The following FBXW7 variants were observed in gnomAD, a reference collection of about 807,000 sequenced individuals.
The protein encoded by FBXW7 is F-box/WD repeat-containing protein 7.
Under a neutral mutation model 86.3 loss-of-function variants are expected in FBXW7, and 11 were observed. That is an observed-to-expected ratio of 0.13 (90% CI 0.08 to 0.21). The LOEUF is 0.21. Among genes scored for constraint, FBXW7 ranks in the 10% least tolerant of loss-of-function variants. The probability of loss-of-function intolerance (pLI) is 1.00; values close to 1 mark genes in which losing one functional copy is unlikely to be tolerated. For missense variants in FBXW7, 488 were observed against 847.4 expected (o/e 0.58, Z 5.27); for synonymous variants, 313 against 297.9 (o/e 1.05, Z -0.52).
chr4:152,532,786 G>A (rs1487242069), intron 2 of FBXW7, among the ~76,000 whole-genome samples: 1 of 152,104 alleles, frequency 6.6e-6, no homozygotes, highest in Admixed American at 6.5e-5. Flanking sequence ...CTATAGCTTT[G>A]TGCAATTTGT....
intron 2 of FBXW7, among the ~76,000 whole-genome samples, chr4:152,531,457 T>C (rs1392298992): frequency 6.6e-6 from 1 of 152,032 alleles, no homozygotes; most frequent in Non-Finnish European, 1.5e-5. Context: ...TGTGAATATA[T>C]ATTTCCTTCC....
At chr4:152,468,861 A>G (rs1400127944) in intron 2 of FBXW7, among the ~76,000 whole-genome samples, 2 of 152,222 alleles carry the variant, frequency 1.3e-5, no homozygotes, top group African/African-American at 4.8e-5. Flanking sequence ...AAAAATGACA[A>G]TAAGTTACTC....
chr4:152,493,676 A>C (rs1560965592), intron 2 of FBXW7, among the ~76,000 whole-genome samples: 1 of 152,232 alleles, frequency 6.6e-6, no homozygotes, highest in South Asian at 2.1e-4. Context: ...CAGAGGAAAA[A>C]CCAAGTGAGG....
chr4:152,416,542 T>C (rs1738447595), intron 2 of FBXW7, among the ~76,000 whole-genome samples: 1 of 152,210 alleles, frequency 6.6e-6, no homozygotes, highest in Admixed American at 6.5e-5. Flanking sequence ...TATTCTATAC[T>C]GCAGCTGAGA....
At chr4:152,469,000 G>A (rs774538005) in intron 2 of FBXW7, among the ~76,000 whole-genome samples, 2 of 151,892 alleles carry the variant, frequency 1.3e-5, no homozygotes, top group African/African-American at 4.8e-5. Flanking sequence ...ACAGTAAACA[G>A]AACAGTATAA....
At chr4:152,324,001 A>C in intron 13 of FBXW7, 183 bp downstream of exon 13, 1 of 577,962 alleles carries the variant, frequency 1.7e-6, no homozygotes, top group Admixed American at 3.1e-5. Context: ...TATTAAAAAC[A>C]CAGTTTAAAA....
chr4:152,433,657 T>C (rs1337741110), intron 2 of FBXW7, among the ~76,000 whole-genome samples: 2 of 152,222 alleles, frequency 1.3e-5, no homozygotes, highest in East Asian at 1.9e-4. Flanking sequence ...ATGGTGACTG[T>C]TGCGCTCTAC....
chr4:152,535,407 G>A lies in FBXW7; in HGVS notation c.-493C>T, dbSNP rs921735960. 5.2e-6 allele frequency: 2 copies of A among 386,942 alleles called. No homozygotes were observed. The highest frequency in any genetic ancestry group is 4.6e-6 in the Non-Finnish European group (1 of 218,982). 24.0% of individuals were successfully genotyped at this position (386,942 alleles called of 1,614,324 possible). ...AGACCCCCGGAGGGGGCTGAGGGGA[G>A]GGGGAAGGTGAGGAAAGGACGGCGG... On this transcript the variant is annotated 5_prime_UTR_variant, in exon 1 of 14. Coordinates refer to ENST00000281708, the MANE Select transcript of FBXW7 (RefSeq NM_001349798.2).
chr4:152,337,721 C>G (rs2126581102), intron 7 of FBXW7, 81 bp downstream of exon 7: 1 of 1,392,286 alleles, frequency 7.2e-7, no homozygotes, highest in South Asian at 1.4e-5. Flanking sequence ...CCATAATTAG[C>G]ATGACAATGT....
At chr4:152,458,066 T>C (rs976783699) in intron 2 of FBXW7, among the ~76,000 whole-genome samples, 2 of 152,092 alleles carry the variant, frequency 1.3e-5, no homozygotes, top group South Asian at 2.1e-4. Flanking sequence ...TCTGTTGCCA[T>C]GCCAGTGCAC....
At chr4:152,372,474 C>A (rs564782903) in intron 4 of FBXW7, among the ~76,000 whole-genome samples, 1 of 151,898 alleles carries the variant, frequency 6.6e-6, no homozygotes, top group Non-Finnish European at 1.5e-5. Flanking sequence ...GTTTCTCCAG[C>A]AAAATATATG....
At chr4:152,341,948 A>C (rs1730786663) in intron 6 of FBXW7, among the ~76,000 whole-genome samples, 2 of 152,178 alleles carry the variant, frequency 1.3e-5, no homozygotes, top group South Asian at 4.1e-4. Context: ...TTAGGTTACA[A>C]TTTAACCTCT....
intron 2 of FBXW7, among the ~76,000 whole-genome samples, chr4:152,533,436 T>G (rs1174497337): frequency 6.6e-6 from 1 of 152,168 alleles, no homozygotes; most frequent in African/African-American, 2.4e-5. Flanking sequence ...ATTCTAACAT[T>G]ACATCCACTA....
chr4:152,495,456 A>T (rs1349551669), intron 2 of FBXW7, among the ~76,000 whole-genome samples: 1 of 152,130 alleles, frequency 6.6e-6, no homozygotes, highest in African/African-American at 2.4e-5. Flanking sequence ...GAAAAAAAAA[A>T]TTATTTTAAA....
chr4:152,500,023 G>C (rs1746772361), intron 2 of FBXW7, among the ~76,000 whole-genome samples: 1 of 152,076 alleles, frequency 6.6e-6, no homozygotes, highest in Non-Finnish European at 1.5e-5. Flanking sequence ...AAGTAAAAAA[G>C]ACAATTTCAA....
chr4:152,495,521 GAA>G (rs1196687069), intron 2 of FBXW7, among the ~76,000 whole-genome samples: 2 of 152,042 alleles, frequency 1.3e-5, no homozygotes, highest in Non-Finnish European at 1.5e-5. Context: ...CAGTAACATG[GAA>G]AAAACAGTAA....
chr4:152,476,362 A>C (rs1411957581), intron 2 of FBXW7, among the ~76,000 whole-genome samples: 3 of 152,208 alleles, frequency 2.0e-5, no homozygotes, highest in Admixed American at 6.5e-5. Flanking sequence ...AATGTAAGAC[A>C]CAAAATAATA....
At chr4:152,392,355 T>G (rs1736063911) in intron 4 of FBXW7, among the ~76,000 whole-genome samples, 2 of 152,130 alleles carry the variant, frequency 1.3e-5, no homozygotes, top group African/African-American at 4.8e-5. Context: ...GCTGGAACAC[T>G]CACTTGGTAG....
At chr4:152,349,787 G>T (rs887997222) in intron 5 of FBXW7, among the ~76,000 whole-genome samples, 10 of 151,734 alleles carry the variant, frequency 6.6e-5, no homozygotes, top group Admixed American at 3.3e-4. Context: ...CTTAAAAATT[G>T]TAATTTTAAA....
Sources: allele counts gnomAD v4.1 joint callset (sites outside exome capture counted in the v4.1 genomes callset), GRCh38; gene constraint gnomAD v4.1.1; transcripts MANE v1.5; gene names NCBI Gene and HGNC (gene_info 2026-07-23, HGNC 2026-07-21).